Variants in SLC24A3 observed in about 807,000 individuals in gnomAD.
SLC24A3 encodes sodium/potassium/calcium exchanger 3.
SLC24A3 carries 28 observed loss-of-function variants against 75.8 expected under a neutral mutation model. That is an observed-to-expected ratio of 0.37 (90% CI 0.27 to 0.51). The LOEUF (loss-of-function observed/expected upper bound fraction) is 0.51, where lower values mean the gene tolerates loss of function less well. Among genes scored for constraint, SLC24A3 ranks in the 20% least tolerant of loss-of-function variants. The probability of loss-of-function intolerance (pLI) is 0.94; values close to 1 mark genes in which losing one functional copy is unlikely to be tolerated. For missense variants in SLC24A3, 663 were observed against 847.8 expected, an observed-to-expected ratio of 0.78 and a Z score of 2.71; for synonymous variants, 372 against 334.1, an observed-to-expected ratio of 1.11 and a Z score of -1.24.
At chr20:19,364,264 G>T (rs1985845299) in intron 2 of SLC24A3, among the ~76,000 whole-genome samples, 1 of 152,082 alleles carries the variant, frequency 6.6e-6, no homozygotes, top group Admixed American at 6.5e-5. Flanking sequence ...TTCCACTTCA[G>T]CCAGCCGCCC....
intron 2 of SLC24A3, among the ~76,000 whole-genome samples, chr20:19,336,233 C>T (rs143469645): frequency 6.6e-6 from 1 of 152,240 alleles, no homozygotes; most frequent in Non-Finnish European, 1.5e-5. Context: ...TAAAGGTTTA[C>T]TGGACATAGC....
intron 1 of SLC24A3, among the ~76,000 whole-genome samples, chr20:19,248,246 C>A (rs1982552121): frequency 6.6e-6 from 1 of 152,194 alleles, no homozygotes; most frequent in Non-Finnish European, 1.5e-5. Flanking sequence ...TTTGCCATTT[C>A]TCTTCTACTT....
chr20:19,459,197 T>C (rs1987629662), intron 2 of SLC24A3, among the ~76,000 whole-genome samples: 1 of 152,206 alleles, frequency 6.6e-6, no homozygotes. Context: ...ATGGAAAATA[T>C]ATACATACAG....
At chr20:19,694,529 G>A (rs993792280) in intron 13 of SLC24A3, 4 of 151,998 alleles carry the variant, frequency 2.6e-5, no homozygotes, top group Admixed American at 1.3e-4. Context: ...TTATAGCCAG[G>A]GGTTTCTCCC....
At chr20:19,652,194 G>C (rs1247403517) in intron 6 of SLC24A3, among the ~76,000 whole-genome samples, 1 of 152,074 alleles carries the variant, frequency 6.6e-6, no homozygotes, top group East Asian at 1.9e-4. Flanking sequence ...TTTGCATTGT[G>C]GGTTTATGTC....
intron 1 of SLC24A3, among the ~76,000 whole-genome samples, chr20:19,276,665 G>A (rs1482745266): frequency 6.6e-6 from 1 of 152,138 alleles, no homozygotes; most frequent in Non-Finnish European, 1.5e-5. Context: ...AGCACTTTAG[G>A]AGGTCGAGGT....
intron 2 of SLC24A3, among the ~76,000 whole-genome samples, chr20:19,457,464 A>G (rs530446060): frequency 6.6e-6 from 1 of 152,360 alleles, no homozygotes; most frequent in East Asian, 1.9e-4. Flanking sequence ...TGAATTCCAT[A>G]AAAGAAAATA....
intron 2 of SLC24A3, among the ~76,000 whole-genome samples, chr20:19,287,639 G>A (rs1418333634): frequency 6.6e-6 from 1 of 152,226 alleles, no homozygotes; most frequent in African/African-American, 2.4e-5. Flanking sequence ...CCCTCATCAA[G>A]TGAAACAATT....
chr20:19,634,091 A>G (rs1217505764), intron 6 of SLC24A3, among the ~76,000 whole-genome samples: 1 of 152,200 alleles, frequency 6.6e-6, no homozygotes. Flanking sequence ...TTTTATAGGC[A>G]TGGCCATTCC....
intron 2 of SLC24A3, among the ~76,000 whole-genome samples, chr20:19,463,456 A>G (rs889206681): frequency 2.0e-5 from 3 of 152,162 alleles, no homozygotes; most frequent in African/African-American, 4.8e-5. Context: ...GTGTTTTTCT[A>G]TTCGCAAGTA....
At chr20:19,245,225 C>T (rs1432432887) in intron 1 of SLC24A3, among the ~76,000 whole-genome samples, 2 of 152,048 alleles carry the variant, frequency 1.3e-5, no homozygotes, top group African/African-American at 4.8e-5. Flanking sequence ...GTCCTGGAAA[C>T]CTCATGCCAA....
intron 9 of SLC24A3, among the ~76,000 whole-genome samples, chr20:19,680,822 A>G (rs2032604881): frequency 6.6e-6 from 1 of 152,194 alleles, no homozygotes; most frequent in Non-Finnish European, 1.5e-5. Context: ...GAATCCAGAG[A>G]GCTTCATGTC....
intron 1 of SLC24A3, among the ~76,000 whole-genome samples, chr20:19,258,969 C>T (rs950422697): frequency 1.3e-5 from 2 of 152,192 alleles, no homozygotes; most frequent in East Asian, 1.9e-4. Context: ...AGAAGATTTC[C>T]ATTTTAATAT....
chr20:19,366,286 C>A (rs1278083612), intron 2 of SLC24A3, among the ~76,000 whole-genome samples: 2 of 152,104 alleles, frequency 1.3e-5, no homozygotes, highest in African/African-American at 2.4e-5. Flanking sequence ...TGAATGAGTT[C>A]ATCTTTATCT....
chr20:19,297,292 A>G (rs1246851481), intron 2 of SLC24A3, among the ~76,000 whole-genome samples: 2 of 152,174 alleles, frequency 1.3e-5, no homozygotes, highest in Non-Finnish European at 2.9e-5. Context: ...TTACGTTTAT[A>G]CGCATGATGT....
intron 15 of SLC24A3, among the ~76,000 whole-genome samples, chr20:19,703,160 T>C (rs1321800436): frequency 6.6e-6 from 1 of 152,196 alleles, no homozygotes; most frequent in East Asian, 1.9e-4. Context: ...CTCTCCTTCC[T>C]TGAGAGGGCA....
At chr20:19,645,307 A>T (rs2032123895) in intron 6 of SLC24A3, among the ~76,000 whole-genome samples, 1 of 152,222 alleles carries the variant, frequency 6.6e-6, no homozygotes, top group Non-Finnish European at 1.5e-5. Flanking sequence ...AGAACCCCAG[A>T]GCATCATGTC....
intron 3 of SLC24A3, among the ~76,000 whole-genome samples, chr20:19,560,209 T>C (rs1018099293): frequency 6.6e-6 from 1 of 152,128 alleles, no homozygotes; most frequent in Admixed American, 6.6e-5. Context: ...AAAGAGCTGA[T>C]AACACTGAGG....
chr20:19,683,605 A>G (rs756929573), intron 10 of SLC24A3, among the ~76,000 whole-genome samples: 4 of 152,242 alleles, frequency 2.6e-5, no homozygotes, highest in Non-Finnish European at 5.9e-5. Context: ...GAACTGCACT[A>G]ACGTCAATTC....
Sources: gnomAD v4.1 joint callset for allele counts (sites outside exome capture counted in the v4.1 genomes callset) on GRCh38, gnomAD v4.1.1 for gene constraint, MANE v1.5 for transcripts, NCBI Gene and HGNC (gene_info 2026-07-23, HGNC 2026-07-21) for gene names.